RSPH14: variants seen among roughly 807,000 people sequenced by gnomAD.
RSPH14 encodes the protein radial spoke head 14 homolog, also known as rhabdoid tumor deletion region gene 1.
RSPH14 carries 20 observed loss-of-function variants against 26.7 expected under a neutral mutation model. The observed-to-expected ratio is 0.75, with a 90% CI of 0.53 to 1.09. The LOEUF is 1.09. Ranked by LOEUF, RSPH14 falls within the 50% of genes least tolerant of loss-of-function variation. The pLI, the probability that RSPH14 is intolerant of heterozygous loss-of-function variation, is 0.00. For synonymous variants in RSPH14, 177 were observed against 189.3 expected (o/e 0.93, Z 0.53); for missense variants, 449 against 457.2 (o/e 0.98, Z 0.16).
At chr22:23,143,169 T>C (rs1285955927), upstream of RSPH14, among the ~76,000 whole-genome samples, 3 of 151,998 alleles carry the variant, frequency 2.0e-5, no homozygotes, top group Non-Finnish European at 4.4e-5. Flanking sequence ...CTCATACCTG[T>C]AATCCTAGCA....
the RSPH14 span, chr22:23,158,811 C>T: frequency 3.6e-5 from 43 of 1,188,862 alleles, no homozygotes; most frequent in Non-Finnish European, 1.2e-6. Flanking sequence ...AGCACTTCAG[C>T]CCTGGGGAGG....
At chr22:23,175,157 G>A in the RSPH14 span, among the ~76,000 whole-genome samples, 4 of 151,522 alleles carry the variant, frequency 2.6e-5, no homozygotes, top group Non-Finnish European at 4.4e-5. Flanking sequence ...CACCACACCC[G>A]GCTAATTTGT....
intron 4 of RSPH14, among the ~76,000 whole-genome samples, chr22:23,114,384 C>T (rs148086630): frequency 2.0e-5 from 3 of 152,322 alleles, no homozygotes; most frequent in Non-Finnish European, 4.4e-5. Flanking sequence ...TGGGACAGAC[C>T]GGCCCCGGCC....
At chr22:23,157,936 C>A in the RSPH14 span, 1 of 1,610,508 alleles carries the variant, frequency 6.2e-7, no homozygotes, top group Non-Finnish European at 8.5e-7. Context: ...CCTGGGGAGC[C>A]CCCTTGCTCG....
intron 4 of RSPH14, chr22:23,096,527 C>A: frequency 8.4e-7 from 1 of 1,188,538 alleles, no homozygotes; most frequent in Non-Finnish European, 1.2e-6. Context: ...GGGAACCAGG[C>A]GCAGGCCTGG....
At chr22:23,107,809 C>T (rs529331287) in intron 4 of RSPH14, among the ~76,000 whole-genome samples, 15 of 152,294 alleles carry the variant, frequency 9.8e-5, no homozygotes, top group Non-Finnish European at 1.3e-4. Flanking sequence ...GTTTTAAAGC[C>T]GGAAGAGCAC....
chr22:23,105,657 G>T (rs974569386), intron 4 of RSPH14, among the ~76,000 whole-genome samples: 1 of 152,246 alleles, frequency 6.6e-6, no homozygotes, highest in Admixed American at 6.5e-5. Context: ...TCTTCGCATG[G>T]TGATGGCGTG....
At chr22:23,145,262 AT>A, upstream of RSPH14, 1 of 223,678 alleles carries the variant, frequency 4.5e-6, no homozygotes, top group South Asian at 4.0e-5. Context: ...CCGCCCACCC[AT>A]CCAGCACCGC....
the RSPH14 span, among the ~76,000 whole-genome samples, chr22:23,174,564 T>C: frequency 1.3e-5 from 2 of 151,828 alleles, no homozygotes; most frequent in Admixed American, 1.3e-4. Flanking sequence ...TGGAAATACT[T>C]GTTATCTAAT....
intron 6 of RSPH14, among the ~76,000 whole-genome samples, chr22:23,060,040 G>A (rs774276130): frequency 2.0e-5 from 3 of 152,174 alleles, no homozygotes; most frequent in Non-Finnish European, 4.4e-5. Flanking sequence ...TTATCCAGAT[G>A]TAGTGACAGG....
intron 4 of RSPH14, among the ~76,000 whole-genome samples, chr22:23,065,000 G>A (rs1460133826): frequency 1.3e-5 from 2 of 152,128 alleles, no homozygotes; most frequent in African/African-American, 4.8e-5. Flanking sequence ...CCTTCCCTAC[G>A]GCACGCAGCT....
chr22:23,110,837 G>C (rs2069625122), intron 4 of RSPH14, among the ~76,000 whole-genome samples: 1 of 152,194 alleles, frequency 6.6e-6, no homozygotes, highest in South Asian at 2.1e-4. Flanking sequence ...TGTTGGGAAG[G>C]ACCCAAGGGC....
upstream of RSPH14, chr22:23,145,703 T>A (rs2070727611): frequency 9.8e-7 from 1 of 1,018,594 alleles, no homozygotes; most frequent in African/African-American, 1.6e-5. Context: ...CGTCCTCATT[T>A]CCGGAGCGCA....
At chr22:23,172,323 G>A in the RSPH14 span, among the ~76,000 whole-genome samples, 1 of 151,834 alleles carries the variant, frequency 6.6e-6, no homozygotes, top group East Asian at 1.9e-4. Flanking sequence ...GGCTGAGGTG[G>A]GAGAACTGCT....
upstream of RSPH14, among the ~76,000 whole-genome samples, chr22:23,147,714 G>A (rs2070873209): frequency 6.6e-6 from 1 of 152,212 alleles, no homozygotes; most frequent in Non-Finnish European, 1.5e-5. Context: ...GGTTGGAGCA[G>A]TTTGTAAGAA....
chr22:23,075,632 G>C (rs2146253866), intron 4 of RSPH14, among the ~76,000 whole-genome samples: 1 of 152,344 alleles, frequency 6.6e-6, no homozygotes, highest in Non-Finnish European at 1.5e-5. Flanking sequence ...AAGCGAGACT[G>C]TTAAAAGCCA....
At chr22:23,097,006 T>A (rs965905039) in intron 4 of RSPH14, among the ~76,000 whole-genome samples, 5 of 152,118 alleles carry the variant, frequency 3.3e-5, no homozygotes, top group African/African-American at 9.7e-5. Flanking sequence ...AGCAGGGCAG[T>A]GTGCTGAGGC....
intron 4 of RSPH14, among the ~76,000 whole-genome samples, chr22:23,101,885 GC>G (rs780518337): frequency 2.0e-5 from 3 of 152,230 alleles, no homozygotes; most frequent in African/African-American, 2.4e-5. Flanking sequence ...ACCTCGCATG[GC>G]AGGCATGGAA....
At chr22:23,153,700 T>TTC in the RSPH14 span, 1 of 932,256 alleles carries the variant, frequency 1.1e-6, no homozygotes, top group South Asian at 5.0e-5. Context: ...GTCTTTTTTT[T>TTC]TTTTTTTTTT....
Sources: allele counts gnomAD v4.1 joint callset (sites outside exome capture counted in the v4.1 genomes callset), GRCh38; gene constraint gnomAD v4.1.1; transcripts MANE v1.5; gene names NCBI Gene and HGNC (gene_info 2026-07-23, HGNC 2026-07-21).